Variants in CEP112 observed in about 807,000 individuals in gnomAD.
CEP112 encodes centrosomal protein of 112 kDa.
A neutral mutation model predicts 153.0 loss-of-function variants in CEP112; 127 were observed. The observed-to-expected ratio is 0.83, with a 90% confidence interval of 0.72 to 0.96. CEP112 has a LOEUF of 0.96. Among genes scored for constraint, CEP112 ranks in the 40% least tolerant of loss-of-function variants. The pLI is 0.00. For synonymous variants in CEP112, 358 were observed against 374.4 expected, an observed-to-expected ratio of 0.96 and a Z score of 0.51; for missense variants, 1,089 against 1,101.2, an observed-to-expected ratio of 0.99 and a Z score of 0.16.
At chr17:65,836,491 T>TGA (rs762834050) in intron 21 of CEP112, among the ~76,000 whole-genome samples, 2 of 152,168 alleles carry the variant, frequency 1.3e-5, no homozygotes, top group Non-Finnish European at 2.9e-5. Flanking sequence ...CAGGAATAGT[T>TGA]ACACTTATAT....
Position 65,751,952 on chromosome 17 carries a change from TTCTATCTATCTATCTA to T in CEP112, c.2395-1244_2395-1229del, listed in dbSNP as rs60646634. On this transcript the variant is annotated intron_variant, in intron 21 of 26. Coordinates refer to ENST00000535342, the MANE Select transcript of CEP112 (RefSeq NM_001199165.4). ...TGCGTCATGCCTTGCAATACAGTCC[TTCTATCTATCTATCTA>T]TCTATCTATCTATCTATCTATCTAT... Among the ~76,000 whole-genome samples, 1,215 of 145,922 alleles carry T rather than the reference TTCTATCTATCTATCTA, an allele frequency of 8.3e-3. 10 individuals are homozygous for T. Among genetic ancestry groups the T allele is most frequent in the African/African-American group, 0.02 (779 of 39,088 alleles).
chr17:65,905,693 G>C (rs779282556), intron 19 of CEP112, among the ~76,000 whole-genome samples: 14 of 152,282 alleles, frequency 9.2e-5, no homozygotes, highest in Non-Finnish European at 1.6e-4. Flanking sequence ...ACTTTGGGAG[G>C]CTGAGGCAGG....
intron 8 of CEP112, among the ~76,000 whole-genome samples, chr17:66,083,015 T>C (rs560513851): frequency 6.6e-6 from 1 of 152,262 alleles, no homozygotes; most frequent in East Asian, 1.9e-4. Flanking sequence ...GGCTAAATAT[T>C]TTAAGACTCA....
At chr17:66,073,599 C>T (rs529775673) in intron 8 of CEP112, among the ~76,000 whole-genome samples, 1 of 152,310 alleles carries the variant, frequency 6.6e-6, no homozygotes, top group African/African-American at 2.4e-5. Context: ...TAACAACTTG[C>T]AAATACCTGG....
intron 2 of CEP112, 74 bp downstream of exon 2, chr17:66,183,120 A>G (rs2072784173): frequency 7.9e-6 from 8 of 1,008,566 alleles, no homozygotes; most frequent in Non-Finnish European, 1.1e-5. Flanking sequence ...CCATGTTGAT[A>G]GTTCATTGGT....
chr17:66,186,725 A>G (rs2146940378), intron 1 of CEP112, among the ~76,000 whole-genome samples: 1 of 152,324 alleles, frequency 6.6e-6, no homozygotes, highest in East Asian at 1.9e-4. Flanking sequence ...TTATAGTCAG[A>G]TGGCTTCCAA....
chr17:66,125,413 C>A (rs2069797492), intron 6 of CEP112, among the ~76,000 whole-genome samples: 1 of 152,134 alleles, frequency 6.6e-6, no homozygotes, highest in African/African-American at 2.4e-5. Context: ...ACTCAAGAGG[C>A]TGAGGCAAGA....
intron 24 of CEP112, among the ~76,000 whole-genome samples, chr17:65,668,378 G>A (rs1399496941): frequency 1.3e-5 from 2 of 152,160 alleles, no homozygotes; most frequent in Non-Finnish European, 2.9e-5. Context: ...TACACGTTAA[G>A]CCTTTGGCAT....
intron 21 of CEP112, among the ~76,000 whole-genome samples, chr17:65,851,368 A>G (rs79381373): frequency 0.015 from 2,333 of 152,340 alleles, 23 homozygotes; most frequent in Non-Finnish European, 0.021. Flanking sequence ...ACCTGGGAAA[A>G]TAAGTCATCA....
At chr17:65,834,138 G>A (rs1189478606) in intron 21 of CEP112, among the ~76,000 whole-genome samples, 1 of 152,118 alleles carries the variant, frequency 6.6e-6, no homozygotes, top group African/African-American at 2.4e-5. Context: ...TGGAATAACT[G>A]GCTAGCCGTA....
intron 4 of CEP112, among the ~76,000 whole-genome samples, chr17:66,140,795 G>A (rs1276687765): frequency 1.3e-5 from 2 of 151,866 alleles, no homozygotes; most frequent in African/African-American, 2.4e-5. Flanking sequence ...ACACCACCAC[G>A]CCTGGCTAAT....
intron 24 of CEP112, among the ~76,000 whole-genome samples, chr17:65,682,964 C>T (rs1399956288): frequency 2.6e-5 from 4 of 152,222 alleles, no homozygotes; most frequent in Non-Finnish European, 5.9e-5. Flanking sequence ...ATTTTACTAA[C>T]ATTTTACTGA....
chr17:66,134,981 T>C (rs1054345954), intron 4 of CEP112, among the ~76,000 whole-genome samples: 1 of 152,238 alleles, frequency 6.6e-6, no homozygotes, highest in Non-Finnish European at 1.5e-5. Context: ...ATGCTTTCTC[T>C]GGATGATCCA....
chr17:65,641,949 C>T (rs964612706), intron 24 of CEP112, among the ~76,000 whole-genome samples: 3 of 152,094 alleles, frequency 2.0e-5, no homozygotes, highest in Non-Finnish European at 2.9e-5. Context: ...CAAATACTAT[C>T]GGGCCTGTGT....
At chr17:66,009,294 C>T (rs996882353) in intron 16 of CEP112, among the ~76,000 whole-genome samples, 3 of 150,368 alleles carry the variant, frequency 2.0e-5, no homozygotes, top group African/African-American at 7.4e-5. Flanking sequence ...TTTGCCTTTC[C>T]CTGATGATTA....
intron 15 of CEP112, 34 bp downstream of exon 15, chr17:66,028,279 C>A: frequency 7.9e-7 from 1 of 1,272,364 alleles, no homozygotes; most frequent in Non-Finnish European, 1.1e-6. Context: ...CTGTGTTTGA[C>A]CATTGTTCTT....
chr17:65,644,159 T>C, intron 24 of CEP112: 1 of 866,688 alleles, frequency 1.2e-6, no homozygotes, highest in Non-Finnish European at 1.9e-6. Flanking sequence ...TCACGAACAA[T>C]TCAACTTGCA....
At chr17:66,030,745 A>G (rs1394821613) in intron 12 of CEP112, among the ~76,000 whole-genome samples, 1 of 152,170 alleles carries the variant, frequency 6.6e-6, no homozygotes, top group Non-Finnish European at 1.5e-5. Context: ...TCTTTTAGAT[A>G]CTTTATCTAA....
intron 17 of CEP112, among the ~76,000 whole-genome samples, chr17:66,002,148 T>C (rs775582910): frequency 1.4e-4 from 22 of 152,160 alleles, no homozygotes; most frequent in Non-Finnish European, 3.2e-4. Flanking sequence ...TAATGATAGG[T>C]TCTGAAATAT....
Sources: gnomAD v4.1 joint callset for allele counts (sites outside exome capture counted in the v4.1 genomes callset) on GRCh38, gnomAD v4.1.1 for gene constraint, MANE v1.5 for transcripts, NCBI Gene and HGNC (gene_info 2026-07-23, HGNC 2026-07-21) for gene names.